Variants in DPYSL2 observed in about 807,000 individuals in gnomAD.
DPYSL2 encodes dihydropyrimidinase like 2.
Under a neutral mutation model 69.9 loss-of-function variants are expected in DPYSL2, and 13 were observed. That is an observed-to-expected ratio of 0.19 (90% confidence interval 0.12 to 0.30). The LOEUF is 0.30. DPYSL2 is among the 10% of genes least tolerant of loss of function. The pLI, the probability that DPYSL2 is intolerant of heterozygous loss-of-function variation, is 1.00. For missense variants in DPYSL2, 587 were observed against 918.9 expected (o/e 0.64, Z 4.67); for synonymous variants, 326 against 359.1 (o/e 0.91, Z 1.04).
intron 8 of DPYSL2, among the ~76,000 whole-genome samples, chr8:26,638,534 G>T (rs772980650): frequency 6.6e-6 from 1 of 152,166 alleles, no homozygotes; most frequent in Non-Finnish European, 1.5e-5. Context: ...ACTGCATCCT[G>T]CCTTCCCTGA....
Position 26,652,586 on chromosome 8 carries a change from T to C in DPYSL2, c.1776+150T>C, listed in dbSNP as rs1207611687. ...GAGCCTGAATTTTTTATTCCTGGCA[T>C]TTAAAATACTGGAGAAGGAGTCAGT... On this transcript the variant is annotated intron_variant, in intron 12 of 13. Coordinates refer to ENST00000521913, the MANE Select transcript of DPYSL2 (RefSeq NM_001197293.3). The surrounding 1 kb of genome is among the most constrained non-coding windows in gnomAD (Gnocchi z 6.3). 1.2e-6 allele frequency: 1 copy of C among 824,758 alleles called. No homozygotes were observed. Among genetic ancestry groups the C allele is most frequent in the Non-Finnish European group, 1.8e-6 (1 of 544,450 alleles). The allele number at this position is 824,758 out of a possible 1,614,324, so 51.1% of individuals were successfully genotyped here.
rs1000625754 is a variant in DPYSL2, at chr8:26,644,710, A to G, written c.1425+619A>G. Among the ~76,000 whole-genome samples the G allele has an allele frequency of 2.0e-5, 3 of 152,102 alleles. No individual in the cohort carries two copies. The highest frequency in any genetic ancestry group is 7.2e-5 in the African/African-American group (3 of 41,402). Reference sequence around the variant, plus strand: ...CAGTCAGGAACAAACTTCCTTAGCAACCAGGTGACTTACTCAGTTAATCCT... The same window carrying G: ...CAGTCAGGAACAAACTTCCTTAGCAGCCAGGTGACTTACTCAGTTAATCCT... On this transcript the variant is annotated intron_variant, in intron 10 of 13. Transcript: ENST00000521913. The surrounding 1 kb of genome is among the most constrained non-coding windows in gnomAD (Gnocchi z 4.5).
chr8:26,538,374 A>G (rs1021143967), intron 1 of DPYSL2, among the ~76,000 whole-genome samples: 2 of 152,226 alleles, frequency 1.3e-5, no homozygotes, highest in Non-Finnish European at 2.9e-5. Flanking sequence ...GGATGACCAC[A>G]TAGAAAAGTG....
At chr8:26,607,572 T>G (rs1802133612) in intron 3 of DPYSL2, among the ~76,000 whole-genome samples, 1 of 151,156 alleles carries the variant, frequency 6.6e-6, no homozygotes, top group African/African-American at 2.4e-5. Context: ...GAAGGATTGC[T>G]TGAGCCCAGA....
In DPYSL2 at chr8:26,610,725, A is replaced by G. The variant is rs925713890; in HGVS notation, c.629-13418A>G. Among the ~76,000 whole-genome samples the G allele has an allele frequency of 2.0e-5, 3 of 152,146 alleles. No individual in the cohort carries two copies. The highest frequency in any genetic ancestry group is 7.2e-5 in the African/African-American group (3 of 41,424). On this transcript the variant is annotated intron_variant, in intron 3 of 13. Coordinates refer to ENST00000521913, the MANE Select transcript of DPYSL2 (RefSeq NM_001197293.3). This position sits in a 1 kb window ranked among gnomAD's most constrained non-coding sequence, Gnocchi z 4.5. ...CAACAGCACTGGAAGGTGCTAGAAC[A>G]CTTGGAGAAAACTAGTTCTGTACCA... is the stretch of plus-strand genomic sequence containing the variant.
intron 1 of DPYSL2, among the ~76,000 whole-genome samples, chr8:26,559,692 A>G (rs767092229): frequency 5.9e-5 from 9 of 152,150 alleles, no homozygotes; most frequent in Non-Finnish European, 1.0e-4. Context: ...TAGGTTTCAA[A>G]TATTTGTTTC....
At chr8:26,649,426 G>A (rs968707228) in intron 11 of DPYSL2, among the ~76,000 whole-genome samples, 3 of 152,192 alleles carry the variant, frequency 2.0e-5, no homozygotes, top group African/African-American at 7.2e-5. Context: ...CCTAGAAGAC[G>A]AGACAGTGGG....
At position 26,650,444 on chromosome 8, in the gene DPYSL2, T is replaced by G. The variant is rs1435806617; in HGVS notation, c.1597-1813T>G. Among the ~76,000 whole-genome samples the G allele has an allele frequency of 6.6e-6, 1 of 152,216 alleles. No individual in the cohort carries two copies. Among genetic ancestry groups the G allele is most frequent in the East Asian group, 1.9e-4 (1 of 5,188 alleles). On this transcript the variant is annotated intron_variant, in intron 11 of 13. Coordinates refer to ENST00000521913, the MANE Select transcript of DPYSL2 (RefSeq NM_001197293.3). This position sits in a 1 kb window ranked among gnomAD's most constrained non-coding sequence, Gnocchi z 5.3. ...GACTCACACCCTTTCAAAGGTTGTT[T>G]CTGAGATGACCAGGGATGAGGCTTT...
In DPYSL2 at chr8:26,647,039, G is replaced by C. The variant is rs149284830; in HGVS notation, c.1426-591G>C. On this transcript the variant is annotated intron_variant, in intron 10 of 13. Transcript: ENST00000521913. This position sits in a 1 kb window ranked among gnomAD's most constrained non-coding sequence, Gnocchi z 5.1. The stretch of plus-strand genomic sequence containing the variant: ...ATCTGTGGCTGTATTTTGTTGAAAA[G>C]GACAGCCAATTGGGCCAAATGATAT... Among the ~76,000 whole-genome samples, 974 of 151,884 alleles carry C rather than the reference G, an allele frequency of 6.4e-3. 8 individuals are homozygous for C. Among genetic ancestry groups the C allele is most frequent in the African/African-American group, 0.022 (930 of 41,432 alleles).
rs780379157 is a variant in DPYSL2, at chr8:26,585,864, C to T, written c.628+1881C>T. On this transcript the variant is annotated intron_variant, in intron 3 of 13. Coordinates refer to ENST00000521913, the MANE Select transcript of DPYSL2 (RefSeq NM_001197293.3). This position sits in a 1 kb window ranked among gnomAD's most constrained non-coding sequence, Gnocchi z 4.0. Reference sequence around the variant, plus strand: ...CCATGGTTCATGCCTGTAATTCCAGCACTTTGGGAGCCTGAGGTGGGTGGA... The same window carrying T: ...CCATGGTTCATGCCTGTAATTCCAGTACTTTGGGAGCCTGAGGTGGGTGGA... Among the ~76,000 whole-genome samples, 1 of 152,176 alleles carries T rather than the reference C, an allele frequency of 6.6e-6. No homozygotes were observed. The highest frequency in any genetic ancestry group is 1.5e-5 in the Non-Finnish European group (1 of 68,034).
At chr8:26,628,037 C>A in intron 7 of DPYSL2, 97 bp downstream of exon 7, 1 of 1,233,120 alleles carries the variant, frequency 8.1e-7, no homozygotes, top group South Asian at 1.3e-5. Flanking sequence ...AAGGGGGCTT[C>A]TCTGATGCTG....
intron 1 of DPYSL2, among the ~76,000 whole-genome samples, chr8:26,532,193 T>C (rs1800519329): frequency 6.6e-6 from 1 of 152,040 alleles, no homozygotes; most frequent in African/African-American, 2.4e-5. Context: ...GATCAGGGCT[T>C]TCTCTTGTGG....
At chr8:26,523,452 C>T (rs781568186) in intron 1 of DPYSL2, among the ~76,000 whole-genome samples, 5 of 152,084 alleles carry the variant, frequency 3.3e-5, no homozygotes, top group Non-Finnish European at 7.4e-5. Context: ...ACTTTGTACC[C>T]ATGAAGCAAC....
rs749538285 is a variant in DPYSL2, at chr8:26,624,175, C to G, written c.661C>G (p.Leu221Val). 1 of 1,614,094 alleles carries G rather than the reference C, an allele frequency of 6.2e-7. No individual in the cohort carries two copies. The highest frequency in any genetic ancestry group is 2.2e-5 in the East Asian group (1 of 44,888). The change falls in exon 4 of 14, where the codon CTG becomes GTG. Residue 221 changes from leucine (L) to valine (V), a missense_variant. Leu to Val is a conservative substitution (Grantham distance 32). This residue lies in a region of DPYSL2 where 452 missense variants were observed against 754.3 expected (regional missense o/e 0.60). Coordinates refer to ENST00000521913, the MANE Select transcript of DPYSL2 (RefSeq NM_001197293.3). This position sits in a 1 kb window ranked among gnomAD's most constrained non-coding sequence, Gnocchi z 4.7. ...CGTTGTTCCTGAGCCTGGGACAAGC[C>G]TGCTCGCTGCCTTTGACCAGTGGAG... ...DHVVPEPGTSLLAAFDQWREW... is the reference protein window; with the variant it reads ...DHVVPEPGTSVLAAFDQWREW...
chr8:26,570,313 G>A (rs1044822279), intron 1 of DPYSL2, among the ~76,000 whole-genome samples: 1 of 152,144 alleles, frequency 6.6e-6, no homozygotes, highest in Admixed American at 6.5e-5. Flanking sequence ...AATTGATTTC[G>A]GGAGAAGGGG....
rs528845817 is a variant in DPYSL2, at chr8:26,584,753, G to A, written c.628+770G>A. On this transcript the variant is annotated intron_variant, in intron 3 of 13. Transcript: ENST00000521913. ...TCCTGGCTCAGCCACCCGAGTAGCC[G>A]GGACTACAGGCATGCACCCCCACGC... 1.3e-4 allele frequency among the ~76,000 whole-genome samples: 19 copies of A among 151,556 alleles called. 1 individual carries two copies. The highest frequency in any genetic ancestry group is 5.9e-4 in the Admixed American group (9 of 15,192).
chr8:26,578,013 CTCTCTT>C lies in DPYSL2; in HGVS notation c.355-3954_355-3949del, dbSNP rs889526054. On this transcript the variant is annotated intron_variant, in intron 1 of 13. Coordinates refer to ENST00000521913, the MANE Select transcript of DPYSL2 (RefSeq NM_001197293.3). ...TCTCCTTCTCTCTCTCTCTCTCTCT[CTCTCTT>C]TTTTTTCCGCCCTAGCTGGGGCTGT... The C allele has an allele frequency of 7.9e-6, 11 of 1,384,458 alleles. No individual in the cohort carries two copies. The African/African-American group carries it at 1.5e-4, about 19-fold the overall frequency. 85.8% of individuals were successfully genotyped at this position (1,384,458 alleles called of 1,614,324 possible).
At chr8:26,542,206 T>C (rs1270757867) in intron 1 of DPYSL2, among the ~76,000 whole-genome samples, 1 of 152,060 alleles carries the variant, frequency 6.6e-6, no homozygotes, top group Non-Finnish European at 1.5e-5. Context: ...GAGAATCGCT[T>C]GAGGCTGGGA....
chr8:26,572,950 G>A (rs1205691999), intron 1 of DPYSL2, among the ~76,000 whole-genome samples: 4 of 152,188 alleles, frequency 2.6e-5, no homozygotes, highest in African/African-American at 9.7e-5. Flanking sequence ...AGGGATGTAC[G>A]AAGAATAATG....
Sources: allele counts gnomAD v4.1 joint callset (sites outside exome capture counted in the v4.1 genomes callset), GRCh38; gene constraint gnomAD v4.1.1; regional missense constraint gnomAD v4.1.1; non-coding constraint Gnocchi (gnomAD v3.1); transcripts MANE v1.5; gene names NCBI Gene and HGNC (gene_info 2026-07-23, HGNC 2026-07-21).